Variants in EGFLAM observed in about 807,000 individuals in gnomAD.
EGFLAM encodes pikachurin.
In EGFLAM, 79 loss-of-function variants were observed where a neutral mutation model predicts 113.1. The ratio of observed to expected loss-of-function variants is 0.70; its 90% CI spans 0.58 to 0.84. The LOEUF is 0.84. Ranked by LOEUF, EGFLAM falls within the 40% of genes least tolerant of loss-of-function variation. The probability of loss-of-function intolerance (pLI) is 0.00; values close to 1 mark genes in which losing one functional copy is unlikely to be tolerated. For missense variants in EGFLAM, 1,265 were observed against 1,291.6 expected, an observed-to-expected ratio of 0.98 and a Z score of 0.32; for synonymous variants, 504 against 487.6, an observed-to-expected ratio of 1.03 and a Z score of -0.44.
In EGFLAM at chr5:38,258,599, G is replaced by A. The variant is rs907995971; in HGVS notation, c.-156G>A. The A allele has an allele frequency of 1.6e-5, 13 of 807,144 alleles. No homozygotes were observed. The African/African-American group carries it at 1.9e-4, about 12-fold the overall frequency. The allele number at this position is 807,144 out of a possible 1,614,324, so 50.0% of individuals were successfully genotyped here. ...CCTCCCGGCTGCAGTCCTACCTCTT[G>A]GAACTACCCGTGTTTCCGGGCCCAG... On this transcript the variant is annotated 5_prime_UTR_variant, in exon 1 of 22. Coordinates refer to ENST00000322350, the MANE Select transcript of EGFLAM (RefSeq NM_152403.4).
intron 1 of EGFLAM, among the ~76,000 whole-genome samples, chr5:38,276,152 T>G (rs35741516): frequency 0.41 from 62,910 of 151,872 alleles, 13,560 homozygotes; most frequent in Middle Eastern, 0.58. Flanking sequence ...ATGGCGGCAG[T>G]CAAAAAGAGC....
At chr5:38,314,616 G>C (rs1738543896) in intron 1 of EGFLAM, among the ~76,000 whole-genome samples, 1 of 152,232 alleles carries the variant, frequency 6.6e-6, no homozygotes, top group Non-Finnish European at 1.5e-5. Context: ...GGGCCTAGGT[G>C]AGCACTGCCA....
At chr5:38,346,856 GA>G (rs2111972289) in intron 3 of EGFLAM, among the ~76,000 whole-genome samples, 1 of 152,182 alleles carries the variant, frequency 6.6e-6, no homozygotes, top group South Asian at 2.1e-4. Context: ...GACAGAAGGT[GA>G]AGCTCAGGAG....
At chr5:38,425,248 G>A (rs1188176325) in intron 13 of EGFLAM, among the ~76,000 whole-genome samples, 156 bp downstream of exon 13, 4 of 152,154 alleles carry the variant, frequency 2.6e-5, no homozygotes, top group African/African-American at 9.7e-5. Context: ...GCGCATCTCG[G>A]CTCACTGCAA....
rs766319082 is a variant in EGFLAM at position 38,406,113 on chromosome 5, TTTC to T, written c.713-10_713-8del. 9 of 1,610,826 alleles carry T rather than the reference TTTC, an allele frequency of 5.6e-6. No homozygotes were observed. Among genetic ancestry groups the T allele is most frequent in the Non-Finnish European group, 7.6e-6 (9 of 1,176,954 alleles). ...CTGTGCTGATGAAGGGTGTGCTGCT[TTTC>T]TTTGTGAAGGCCCTGAGGAGGCGGG... On this transcript the variant is annotated splice_polypyrimidine_tract_variant and intron_variant, in intron 6 of 21. Transcript: ENST00000322350.
intron 20 of EGFLAM, chr5:38,462,696 T>A: frequency 1.9e-6 from 1 of 521,100 alleles, no homozygotes; most frequent in Admixed American, 3.2e-5. Context: ...TGTGTTGTCA[T>A]TCACAGTTTG....
At chr5:38,412,744 G>A (rs1579894110) in intron 11 of EGFLAM, 96 bp downstream of exon 11, 2 of 1,489,602 alleles carry the variant, frequency 1.3e-6, no homozygotes, top group East Asian at 4.8e-5. Flanking sequence ...AGAGTCTGCA[G>A]GATTCAAGTT....
chr5:38,427,776 A>G (rs1229739132), intron 14 of EGFLAM, among the ~76,000 whole-genome samples: 1 of 152,232 alleles, frequency 6.6e-6, no homozygotes, highest in Non-Finnish European at 1.5e-5. Context: ...TCAGCAATGC[A>G]GAGACCCGTT....
At chr5:38,353,272 C>A (rs1242296328) in intron 5 of EGFLAM, among the ~76,000 whole-genome samples, 1 of 152,208 alleles carries the variant, frequency 6.6e-6, no homozygotes, top group Non-Finnish European at 1.5e-5. Flanking sequence ...AAAGAATTCC[C>A]AATCTAAGAT....
intron 1 of EGFLAM, among the ~76,000 whole-genome samples, chr5:38,329,456 A>G (rs2111919981): frequency 6.6e-6 from 1 of 152,088 alleles, no homozygotes; most frequent in South Asian, 2.1e-4. Flanking sequence ...GCCACCTCTC[A>G]CTCACCAGCT....
intron 3 of EGFLAM, among the ~76,000 whole-genome samples, chr5:38,345,085 T>C (rs1457118073): frequency 1.3e-5 from 2 of 152,176 alleles, no homozygotes; most frequent in African/African-American, 2.4e-5. Context: ...ATTTCAGAAC[T>C]AGTTAGTGAT....
At chr5:38,369,500 C>CT (rs2112032359) in intron 5 of EGFLAM, among the ~76,000 whole-genome samples, 1 of 152,280 alleles carries the variant, frequency 6.6e-6, no homozygotes, top group South Asian at 2.1e-4. Flanking sequence ...CTGGTACCTG[C>CT]TGAGTGTTTA....
chr5:38,462,537 T>A (rs1310737843), intron 20 of EGFLAM: 1 of 202,614 alleles, frequency 4.9e-6, no homozygotes, highest in Non-Finnish European at 1.0e-5. Context: ...CTACCCAGCC[T>A]ACAAGACTCA....
intron 1 of EGFLAM, among the ~76,000 whole-genome samples, chr5:38,325,328 T>G (rs1265010658): frequency 1.3e-5 from 2 of 152,214 alleles, no homozygotes; most frequent in African/African-American, 2.4e-5. Context: ...CTGGCAAACA[T>G]GGTATGTTGA....
chr5:38,368,109 T>C (rs764742027), intron 5 of EGFLAM, among the ~76,000 whole-genome samples: 4 of 152,232 alleles, frequency 2.6e-5, no homozygotes, highest in Admixed American at 1.3e-4. Context: ...TTATTTCCTC[T>C]ATAAATATCA....
At chr5:38,269,547 T>C (rs1227718879) in intron 1 of EGFLAM, among the ~76,000 whole-genome samples, 2 of 151,082 alleles carry the variant, frequency 1.3e-5, no homozygotes, top group Non-Finnish European at 2.9e-5. Context: ...TGGAGTGCAG[T>C]GGCGCAATCT....
intron 2 of EGFLAM, among the ~76,000 whole-genome samples, chr5:38,337,898 A>G (rs1739229591): frequency 6.6e-6 from 1 of 152,178 alleles, no homozygotes; most frequent in Non-Finnish European, 1.5e-5. Flanking sequence ...GGTTTTTGCT[A>G]TTCAGTTGCC....
At chr5:38,349,235 T>G (rs1313360142) in intron 3 of EGFLAM, among the ~76,000 whole-genome samples, 1 of 152,198 alleles carries the variant, frequency 6.6e-6, no homozygotes, top group African/African-American at 2.4e-5. Flanking sequence ...AAATACAATG[T>G]AAATGTGTTA....
chr5:38,306,821 A>G (rs1164287417), intron 1 of EGFLAM, among the ~76,000 whole-genome samples: 4 of 152,224 alleles, frequency 2.6e-5, no homozygotes, highest in Non-Finnish European at 5.9e-5. Context: ...CCTCAGCCTT[A>G]CAAAGTCCTA....
Sources: allele counts gnomAD v4.1 joint callset (sites outside exome capture counted in the v4.1 genomes callset), GRCh38; gene constraint gnomAD v4.1.1; transcripts MANE v1.5; gene names NCBI Gene and HGNC (gene_info 2026-07-23, HGNC 2026-07-21).